Variants in ZC2HC1B observed in about 807,000 individuals in gnomAD.
ZC2HC1B encodes zinc finger C2HC domain-containing protein 1B.
Under a neutral mutation model 31.0 loss-of-function variants are expected in ZC2HC1B, and 36 were observed. The observed-to-expected ratio is 1.16, with a 90% confidence interval of 0.89 to 1.54. The LOEUF (loss-of-function observed/expected upper bound fraction) is 1.54, where lower values mean the gene tolerates loss of function less well. ZC2HC1B is among the 40% of genes most tolerant of loss of function. The probability of loss-of-function intolerance (pLI) is 0.00; values close to 1 mark genes in which losing one functional copy is unlikely to be tolerated. For missense variants in ZC2HC1B, 260 were observed against 268.6 expected (o/e 0.97, Z 0.22); for synonymous variants, 73 against 88.0 (o/e 0.83, Z 0.95).
chr6:143,871,702 G>T lies in ZC2HC1B; in HGVS notation c.28+7135G>T, dbSNP rs959476073. On this transcript the variant is annotated intron_variant, in intron 1 of 7. Coordinates refer to ENST00000237275, the MANE Select transcript of ZC2HC1B (RefSeq NM_001013623.3). This position sits in a 1 kb window ranked among gnomAD's most constrained non-coding sequence, Gnocchi z 4.1. ...GTACTAATCGCCACAGTCTCTGCAG[G>T]GATGTGATACTGTTTTTGATTTACT... Among the ~76,000 whole-genome samples the T allele has an allele frequency of 6.6e-6, 1 of 152,146 alleles. No homozygotes were observed. The highest frequency in any genetic ancestry group is 2.4e-5 in the African/African-American group (1 of 41,432).
chr6:143,901,883 A>C (rs1479328502), intron 5 of ZC2HC1B, among the ~76,000 whole-genome samples: 2 of 152,244 alleles, frequency 1.3e-5, no homozygotes, highest in African/African-American at 4.8e-5. Context: ...GTCTACCTAC[A>C]GTCTGTAAAG....
At chr6:143,931,537 C>T (rs530232393) in intron 6 of ZC2HC1B, among the ~76,000 whole-genome samples, 3 of 152,280 alleles carry the variant, frequency 2.0e-5, no homozygotes, top group African/African-American at 7.2e-5. Context: ...GGTGAATTCT[C>T]TCAGCATTTG....
intron 6 of ZC2HC1B, among the ~76,000 whole-genome samples, chr6:143,906,161 G>A (rs927892255): frequency 2.6e-5 from 4 of 152,088 alleles, no homozygotes; most frequent in Non-Finnish European, 4.4e-5. Flanking sequence ...CCTCAGGTCC[G>A]GAGCATTTTA....
intron 6 of ZC2HC1B, among the ~76,000 whole-genome samples, chr6:143,926,094 A>AT (rs896988181): frequency 2.7e-5 from 4 of 150,334 alleles, no homozygotes; most frequent in Admixed American, 2.0e-4. Context: ...TGACCTTTGT[A>AT]TTTTTTTTTA....
At chr6:143,901,277 T>TG (rs1048688149) in intron 5 of ZC2HC1B, among the ~76,000 whole-genome samples, 3 of 141,282 alleles carry the variant, frequency 2.1e-5, no homozygotes, top group African/African-American at 5.3e-5. Context: ...TTTTTTTTTT[T>TG]GAGACAGAGT....
chr6:143,905,623 G>T lies in ZC2HC1B; in HGVS notation c.598+2471G>T, dbSNP rs1399702053. 6.6e-6 allele frequency among the ~76,000 whole-genome samples: 1 copy of T among 151,992 alleles called. No homozygotes were observed. The highest frequency in any genetic ancestry group is 1.5e-5 in the Non-Finnish European group (1 of 68,002). On this transcript the variant is annotated intron_variant, in intron 6 of 7. Transcript: ENST00000237275. This position sits in a 1 kb window ranked among gnomAD's most constrained non-coding sequence, Gnocchi z 4.2. ...AGAAGTGGTGAAAATTAGCACACTT[G>T]CATTGTTCTTGATCTCAGAGGGAAA...
chr6:143,937,662 C>T lies in ZC2HC1B; in HGVS notation c.612C>T (p.Asp204=). 6.4e-7 allele frequency: 1 copy of T among 1,550,942 alleles called. No homozygotes were observed. Among genetic ancestry groups the T allele is most frequent in the African/African-American group, 1.4e-5 (1 of 73,092 alleles). ...ATGTTTGCAAAGGATTAGCTATGGA[C>T]CCTGCTTCTGGAGCAAAACTCAGAC... ...EVPTKSGLAM[D]PASGAKLRQG... The change falls in exon 7 of 8, where the codon GAC becomes GAT. Residue 204 remains aspartate, a synonymous_variant. Coordinates refer to ENST00000237275, the MANE Select transcript of ZC2HC1B (RefSeq NM_001013623.3).
At chr6:143,897,607 CCTT>C (rs979392078) in intron 4 of ZC2HC1B, among the ~76,000 whole-genome samples, 12 of 151,770 alleles carry the variant, frequency 7.9e-5, no homozygotes, top group African/African-American at 2.9e-4. Context: ...TATCATCCCT[CCTT>C]CTTTCCCTTT....
rs534518968 is a variant in ZC2HC1B at position 143,913,829 on chromosome 6, G to A, written c.598+10677G>A. Reference sequence around the variant, plus strand: ...CATGTCACTCCTGGTGGGCCATTGCGCCACCCTACTTTTCTTCATTCTCCG... The same window carrying A: ...CATGTCACTCCTGGTGGGCCATTGCACCACCCTACTTTTCTTCATTCTCCG... On this transcript the variant is annotated intron_variant, in intron 6 of 7. Coordinates refer to ENST00000237275, the MANE Select transcript of ZC2HC1B (RefSeq NM_001013623.3). This position sits in a 1 kb window ranked among gnomAD's most constrained non-coding sequence, Gnocchi z 5.7. Among the ~76,000 whole-genome samples, 62 of 152,276 alleles carry A rather than the reference G, an allele frequency of 4.1e-4. No individual in the cohort carries two copies. The highest frequency in any genetic ancestry group is 1.1e-3 in the African/African-American group (47 of 41,550).
chr6:143,886,557 A>C lies in ZC2HC1B; in HGVS notation c.211-126A>C, dbSNP rs1683001330. The stretch of plus-strand genomic sequence containing the variant: ...CCTCTTTAAGGAGTACTTTTGAAAA[A>C]CAAACTCTCCTTTTCCCCAATTTTC... On this transcript the variant is annotated intron_variant, in intron 3 of 7. Transcript: ENST00000237275. This position sits in a 1 kb window ranked among gnomAD's most constrained non-coding sequence, Gnocchi z 4.2. 1 of 1,043,576 alleles carries C rather than the reference A, an allele frequency of 9.6e-7. No homozygotes were observed. The highest frequency in any genetic ancestry group is 1.3e-6 in the Non-Finnish European group (1 of 787,768). 64.6% of individuals were successfully genotyped at this position (1,043,576 alleles called of 1,614,324 possible). A position where few individuals can be genotyped will look rare whatever the true frequency, so the allele number is the denominator to read the frequency against.
chr6:143,919,215 C>CTGTG (rs1225349104), intron 6 of ZC2HC1B, among the ~76,000 whole-genome samples: 5 of 124,066 alleles, frequency 4.0e-5, no homozygotes, highest in African/African-American at 6.8e-5. Flanking sequence ...GTTTGCTATT[C>CTGTG]TCTGTGTGTG....
intron 6 of ZC2HC1B, among the ~76,000 whole-genome samples, chr6:143,925,836 T>G (rs965476846): frequency 3.3e-5 from 5 of 152,252 alleles, no homozygotes; most frequent in African/African-American, 1.2e-4. Flanking sequence ...TGCCCAGCCC[T>G]GATTTATTCT....
chr6:143,880,959 A>T (rs1777459422), intron 1 of ZC2HC1B, among the ~76,000 whole-genome samples: 1 of 152,180 alleles, frequency 6.6e-6, no homozygotes, highest in African/African-American at 2.4e-5. Flanking sequence ...ACATTAGTAT[A>T]TGGTGTGTTC....
intron 1 of ZC2HC1B, among the ~76,000 whole-genome samples, chr6:143,867,316 CTT>C (rs1424197999): frequency 6.6e-6 from 1 of 152,192 alleles, no homozygotes. Context: ...AATAAACAAA[CTT>C]AGCTTTTTGA....
chr6:143,903,153 G>A lies in ZC2HC1B; in HGVS notation c.598+1G>A, dbSNP rs775181201. ...ACGAATGAAGTCCCAACCAAGTCAG[G>A]TGAGTCAAAGCACGCATTTCATCTC... On this transcript the variant is annotated splice_donor_variant, in intron 6 of 7. Transcript: ENST00000237275. LOFTEE classifies it high-confidence loss of function. The surrounding 1 kb of genome is among the most constrained non-coding windows in gnomAD (Gnocchi z 4.3). 63 of 1,551,958 alleles carry A rather than the reference G, an allele frequency of 4.1e-5. No homozygotes were observed. Among genetic ancestry groups the A allele is most frequent in the East Asian group, 9.8e-5 (4 of 40,936 alleles).
chr6:143,891,391 A>G (rs1777601199), intron 4 of ZC2HC1B, among the ~76,000 whole-genome samples: 1 of 151,932 alleles, frequency 6.6e-6, no homozygotes, highest in South Asian at 2.1e-4. Context: ...CCTAGAAGTT[A>G]TTTTTGCTGA....
intron 4 of ZC2HC1B, among the ~76,000 whole-genome samples, chr6:143,890,089 T>G (rs1294384891): frequency 6.6e-6 from 1 of 152,148 alleles, no homozygotes; most frequent in Admixed American, 6.5e-5. Flanking sequence ...CAAGAGAAAT[T>G]AGAAAATAGT....
At chr6:143,876,135 C>G (rs1777405960) in intron 1 of ZC2HC1B, among the ~76,000 whole-genome samples, 1 of 150,638 alleles carries the variant, frequency 6.6e-6, no homozygotes, top group Admixed American at 6.6e-5. Context: ...ACAATTTCAG[C>G]TCTTTCTCTA....
chr6:143,873,619 C>G (rs1006228455), intron 1 of ZC2HC1B, among the ~76,000 whole-genome samples: 1 of 152,226 alleles, frequency 6.6e-6, no homozygotes, highest in Non-Finnish European at 1.5e-5. Flanking sequence ...AACCTCAATT[C>G]TTCACTTCTG....
Sources: allele counts gnomAD v4.1 joint callset (sites outside exome capture counted in the v4.1 genomes callset), GRCh38; gene constraint gnomAD v4.1.1; non-coding constraint Gnocchi (gnomAD v3.1); transcripts MANE v1.5; gene names NCBI Gene and HGNC (gene_info 2026-07-23, HGNC 2026-07-21).